The following ARVCF variants were observed in gnomAD, a reference collection of about 807,000 sequenced individuals.
ARVCF encodes ARVCF delta catenin family member, also known as splicing regulator ARVCF.
In ARVCF, 66 loss-of-function variants were observed where a neutral mutation model predicts 90.9. The ratio of observed to expected loss-of-function variants is 0.73; its 90% CI spans 0.60 to 0.89. The LOEUF is 0.89. Ranked by LOEUF, ARVCF falls within the 40% of genes least tolerant of loss-of-function variation. The pLI is 0.00. For synonymous variants in ARVCF, 653 were observed against 603.4 expected (o/e 1.08, Z -1.21); for missense variants, 1,469 against 1,382.3 (o/e 1.06, Z -1.00).
chr22:19,987,857 C>T (rs1943877632), intron 3 of ARVCF, among the ~76,000 whole-genome samples: 1 of 152,246 alleles, frequency 6.6e-6, no homozygotes, highest in Admixed American at 6.5e-5. Flanking sequence ...CCCGAATGCA[C>T]CCCCACTGCT....
Position 19,972,778 on chromosome 22 carries a change from C to G in ARVCF, c.2600G>C (p.Gly867Ala). Residue 867 changes from glycine to alanine, a missense_variant, in exon 16 of 20, where the codon GGC becomes GCC. Physicochemically the swap from Gly to Ala is moderately conservative, Grantham distance 60 (BLOSUM62 0). Coordinates refer to ENST00000263207, the MANE Select transcript of ARVCF (RefSeq NM_001670.3). ...CAGTGGCAGCGTGCTGTCATCGAAG[C>G]CCCCAGGACTCAGTGCTCCCTTAGG... ...KGPKGALSPG[G>A]FDDSTLPLVD... 1 of 1,613,114 alleles carries G rather than the reference C, an allele frequency of 6.2e-7. No homozygotes were observed.
intron 2 of ARVCF, among the ~76,000 whole-genome samples, chr22:20,006,558 G>A (rs1384367076): frequency 3.8e-5 from 5 of 130,346 alleles, no homozygotes; most frequent in African/African-American, 5.6e-5. Flanking sequence ...CAGCCTGGGC[G>A]GTAGAGCGTG....
intron 2 of ARVCF, among the ~76,000 whole-genome samples, chr22:20,005,620 C>G (rs1017417859): frequency 1.3e-5 from 2 of 152,032 alleles, no homozygotes; most frequent in Non-Finnish European, 1.5e-5. Context: ...GAGATCGAGA[C>G]CATCCTGGCT....
chr22:19,967,381 C>T (rs902227636), downstream of ARVCF: 1 of 483,840 alleles, frequency 2.1e-6, no homozygotes, highest in Admixed American at 2.4e-5. Flanking sequence ...TTTCAGCTGA[C>T]ATTGCTAGGA....
chr22:19,970,866 GC>G, intron 19 of ARVCF, 123 bp from the exon 20 acceptor site: 1 of 1,208,620 alleles, frequency 8.3e-7, no homozygotes, highest in Non-Finnish European at 1.1e-6. Flanking sequence ...AGAAGCATCT[GC>G]CCTGGGTGGT....
At chr22:19,974,796 G>A (rs967736405) in intron 11 of ARVCF, among the ~76,000 whole-genome samples, 6 of 151,842 alleles carry the variant, frequency 4.0e-5, no homozygotes, top group African/African-American at 1.2e-4. Context: ...AGTGCAACCA[G>A]GGCAGCTGCC....
Position 19,971,880 on chromosome 22 carries a change from A to T in ARVCF, c.2781+6T>A. ...GGGACCTGCCCACAGCCACATGACC[A>T]CTTACTTTCAAGGGTTCCTTCTCAG... On this transcript the variant is annotated splice_donor_region_variant and intron_variant, in intron 18 of 19. Transcript: ENST00000263207. 1 of 1,613,198 alleles carries T rather than the reference A, an allele frequency of 6.2e-7. No homozygotes were observed. Among genetic ancestry groups the T allele is most frequent in the Non-Finnish European group, 8.5e-7 (1 of 1,179,828 alleles).
rs751302227 is a variant in ARVCF at position 19,981,725 on chromosome 22, C to T, written c.382G>A (p.Val128Ile). ...ACTGTCCGAGTGGTCACCGTCTTGA[C>T]AGTCTTGGTGACCTGGTGGATGGAT... The part of the protein sequence containing the change: ...RRTETKVTKT[V>I]KTVTTRTVRQ... The change falls in exon 5 of 20, where the codon GTC becomes ATC. Residue 128 changes from valine to isoleucine, a missense_variant. Coordinates refer to ENST00000263207, the MANE Select transcript of ARVCF (RefSeq NM_001670.3). 22 of 1,569,806 alleles carry T rather than the reference C, an allele frequency of 1.4e-5. No homozygotes were observed. Among genetic ancestry groups the T allele is most frequent in the Middle Eastern group, 1.7e-4 (1 of 5,866 alleles).
chr22:19,968,790 G>A (rs2146200543), downstream of ARVCF: 5 of 1,531,742 alleles, frequency 3.3e-6, no homozygotes, highest in East Asian at 6.8e-5. Context: ...TACTGAAGGT[G>A]CCAGACGTGC....
chr22:19,981,644 G>T lies in ARVCF; in HGVS notation c.463C>A (p.Leu155Ile). The T allele has an allele frequency of 6.2e-7, 1 of 1,609,754 alleles. No homozygotes were observed. ...GLPLLDGGPPLGPFADGALDR... is the reference protein window; with the variant it reads ...GLPLLDGGPPIGPFADGALDR... ...AGGGCACCATCTGCAAAAGGGCCTAGTGGGGGGCCGCCATCCAGCAGGGGG... is the reference window on the plus strand; with the variant it reads ...AGGGCACCATCTGCAAAAGGGCCTATTGGGGGGCCGCCATCCAGCAGGGGG... The change falls in exon 5 of 20, where the codon CTA becomes ATA. Residue 155 changes from leucine to isoleucine, a missense_variant. Coordinates refer to ENST00000263207, the MANE Select transcript of ARVCF (RefSeq NM_001670.3).
At chr22:20,005,985 T>G (rs141693592) in intron 2 of ARVCF, among the ~76,000 whole-genome samples, 53 of 152,292 alleles carry the variant, frequency 3.5e-4, no homozygotes, top group Middle Eastern at 3.4e-3. Flanking sequence ...ACATATGATA[T>G]TCTCATGATA....
chr22:19,979,896 CA>C lies in ARVCF; in HGVS notation c.1242del (p.Glu415ArgfsTer38). 1 of 1,601,954 alleles carries C rather than the reference CA, an allele frequency of 6.2e-7. No individual in the cohort carries two copies. On this transcript the variant is annotated frameshift_variant, in exon 6 of 20. Transcript: ENST00000263207. LOFTEE classifies it high-confidence loss of function. The stretch of plus-strand genomic sequence containing the variant: ...GCCCCACAGGCCCGGCGCCGCACCT[CA>C]GCCCGCGGGTGGTCCAGCAGTGCCA... ...LLVALLDHPR[A>X]EVRRRACGAL...
chr22:20,009,275 AG>A (rs1414746428), intron 2 of ARVCF, among the ~76,000 whole-genome samples: 1 of 152,222 alleles, frequency 6.6e-6, no homozygotes, highest in African/African-American at 2.4e-5. Flanking sequence ...CCACACAGCC[AG>A]GCGGCAGCAG....
At chr22:20,000,390 A>C (rs1944403698) in intron 2 of ARVCF, among the ~76,000 whole-genome samples, 1 of 152,238 alleles carries the variant, frequency 6.6e-6, no homozygotes, top group Non-Finnish European at 1.5e-5. Context: ...ACCAACCTCC[A>C]GCAAGTGCAC....
chr22:19,966,139 A>AAAGTCATGAAGTGGG (rs1942376562), downstream of ARVCF, among the ~76,000 whole-genome samples: 1 of 152,260 alleles, frequency 6.6e-6, no homozygotes, highest in Admixed American at 6.5e-5. Context: ...CAAAAGAAGC[A>AAAGTCATGAAGTGGG]AAGTCATGAA....
chr22:19,973,208 G>T lies in ARVCF; in HGVS notation c.2349C>A (p.Ile783=). The part of the protein sequence containing the change: ...EDTVVAVLNT[I]HEIVSDSLDN... ...CCAGGCTGTCGGACACGATTTCGTGGATGGTGTTGAGCACCGCCACCACGG... is the reference window on the plus strand; with the variant it reads ...CCAGGCTGTCGGACACGATTTCGTGTATGGTGTTGAGCACCGCCACCACGG... The change falls in exon 14 of 20, where the codon ATC becomes ATA. Residue 783 remains isoleucine (I), a synonymous_variant. Transcript: ENST00000263207. 6.2e-7 allele frequency: 1 copy of T among 1,610,918 alleles called. No homozygotes were observed. Among genetic ancestry groups the T allele is most frequent in the East Asian group, 2.2e-5 (1 of 44,776 alleles).
At chr22:19,967,438 T>C (rs754523899), downstream of ARVCF, 1 of 468,960 alleles carries the variant, frequency 2.1e-6, no homozygotes, top group South Asian at 1.6e-5. Flanking sequence ...TTCATGGTGG[T>C]ACTTCCTGCT....
At position 19,971,258 on chromosome 22, in the gene ARVCF, A is replaced by C. The variant is rs901134859; in HGVS notation, c.2859T>G (p.Ala953=). The stretch of plus-strand genomic sequence containing the variant: ...CCCAGGAATCAACGGGCTGAGGCTT[A>C]GCGTCCCCTACGGCGTCCACCAGCC... ...AVRLVDAVGD[A]KPQPVDSWV is the part of the protein sequence containing the mutation. Residue 953 remains alanine, a synonymous_variant, in exon 19 of 20, where the codon GCT becomes GCG. Transcript: ENST00000263207. The C allele has an allele frequency of 1.9e-6, 3 of 1,555,988 alleles. No individual in the cohort carries two copies. The African/African-American group carries it at 4.1e-5, about 21-fold the overall frequency.
chr22:19,967,720 G>T (rs1289605902), downstream of ARVCF: 1 of 260,588 alleles, frequency 3.8e-6, no homozygotes, highest in Non-Finnish European at 7.6e-6. Context: ...TTTGTTTGGT[G>T]ACTAAGTCAA....
Sources: allele counts gnomAD v4.1 joint callset (sites outside exome capture counted in the v4.1 genomes callset), GRCh38; gene constraint gnomAD v4.1.1; transcripts MANE v1.5; gene names NCBI Gene and HGNC (gene_info 2026-07-23, HGNC 2026-07-21).